The following CPEB3 variants were observed in gnomAD, a reference collection of about 807,000 sequenced individuals.
CPEB3 encodes the protein cytoplasmic polyadenylation element binding protein 3, also known as cytoplasmic polyadenylation element-binding protein 3.
Under a neutral mutation model 67.2 loss-of-function variants are expected in CPEB3, and 20 were observed. That is an observed-to-expected ratio of 0.30 (90% CI 0.21 to 0.43). CPEB3 has a LOEUF of 0.43. Ranked by LOEUF, CPEB3 falls within the 20% of genes least tolerant of loss-of-function variation. The probability of loss-of-function intolerance (pLI) is 1.00; values close to 1 mark genes in which losing one functional copy is unlikely to be tolerated. For synonymous variants in CPEB3, 376 were observed against 393.1 expected (o/e 0.96, Z 0.51); for missense variants, 746 against 968.6 (o/e 0.77, Z 3.05).
chr10:92,209,469 G>A (rs1849961234), intron 2 of CPEB3, among the ~76,000 whole-genome samples: 1 of 152,158 alleles, frequency 6.6e-6, no homozygotes, highest in African/African-American at 2.4e-5. Context: ...AGGTTGCAGT[G>A]AGCCAAGATC....
intron 6 of CPEB3, among the ~76,000 whole-genome samples, chr10:92,121,288 G>GT (rs1392720887): frequency 1.3e-5 from 2 of 150,688 alleles, no homozygotes; most frequent in African/African-American, 2.4e-5. Context: ...GATTACAGGC[G>GT]TGAGCCACCA....
At chr10:92,134,320 C>T (rs1226759899) in intron 6 of CPEB3, among the ~76,000 whole-genome samples, 1 of 152,090 alleles carries the variant, frequency 6.6e-6, no homozygotes, top group Non-Finnish European at 1.5e-5. Context: ...TCAGCAAAGT[C>T]TCAGGATACA....
chr10:92,189,243 G>A (rs1202043553), intron 3 of CPEB3, among the ~76,000 whole-genome samples: 1 of 152,104 alleles, frequency 6.6e-6, no homozygotes, highest in Non-Finnish European at 1.5e-5. Context: ...TCCTTTAAGT[G>A]GCTTTGAAAA....
At position 92,147,525 on chromosome 10, in the gene CPEB3, G is replaced by A. The variant is rs183572120; in HGVS notation, c.1223-2440C>T. 4.1e-4 allele frequency among the ~76,000 whole-genome samples: 63 copies of A among 152,182 alleles called. 2 individuals carry two copies. In the East Asian group the frequency reaches 9.7e-3, roughly 23 times the overall value. ...GGAACCCTTTACCATACAAAACTCA[G>A]TGGAAAACACTTGAGGAAATATTCA... On this transcript the variant is annotated intron_variant, in intron 4 of 9. Transcript: ENST00000265997.
chr10:92,216,778 G>GCCCCTA lies in CPEB3; in HGVS notation c.1005+22562_1005+22567dup, dbSNP rs1850427923. 1.7e-5 allele frequency: 27 copies of GCCCCTA among 1,609,902 alleles called. No individual in the cohort carries two copies. The South Asian group carries it at 2.9e-4, about 17-fold the overall frequency. On this transcript the variant is annotated intron_variant, in intron 2 of 9. Transcript: ENST00000265997. The stretch of plus-strand genomic sequence containing the variant: ...AGTGCCTGGAGGAGGTGCAGTCCCT[G>GCCCCTA]CCCCTACCCCTATGAGGAGCTCCGG...
intron 9 of CPEB3, among the ~76,000 whole-genome samples, chr10:92,056,029 T>C (rs1416962472): frequency 6.6e-6 from 1 of 152,058 alleles, no homozygotes; most frequent in African/African-American, 2.4e-5. Flanking sequence ...AAAATATATA[T>C]GTAATAATAG....
At chr10:92,108,406 C>T (rs1388743799) in intron 7 of CPEB3, among the ~76,000 whole-genome samples, 1 of 143,866 alleles carries the variant, frequency 7.0e-6, no homozygotes, top group Non-Finnish European at 1.5e-5. Flanking sequence ...GTGGAATGTA[C>T]CAGAACCTAG....
intron 6 of CPEB3, among the ~76,000 whole-genome samples, chr10:92,116,820 G>A (rs773835074): frequency 5.9e-5 from 9 of 152,092 alleles, no homozygotes; most frequent in Non-Finnish European, 1.3e-4. Flanking sequence ...TAGAATGGAT[G>A]GCCGAAAATT....
At chr10:92,201,776 G>C (rs1849538221) in intron 2 of CPEB3, among the ~76,000 whole-genome samples, 1 of 152,100 alleles carries the variant, frequency 6.6e-6, no homozygotes, top group Admixed American at 6.6e-5. Context: ...AGTACATGTA[G>C]CTCCTAATAT....
intron 6 of CPEB3, among the ~76,000 whole-genome samples, chr10:92,118,026 T>G (rs542743969): frequency 2.5e-4 from 38 of 152,350 alleles, no homozygotes; most frequent in African/African-American, 9.1e-4. Flanking sequence ...AGCCCATTAA[T>G]TTATACTACC....
chr10:92,170,138 CT>C (rs1847936267), intron 4 of CPEB3, among the ~76,000 whole-genome samples: 1 of 152,190 alleles, frequency 6.6e-6, no homozygotes, highest in South Asian at 2.1e-4. Context: ...TAGGAAACCC[CT>C]AGTCCACATT....
intron 6 of CPEB3, chr10:92,136,989 G>A: frequency 5.0e-6 from 1 of 200,444 alleles, no homozygotes. Flanking sequence ...CTCCTCCATG[G>A]CATCTATGCC....
At chr10:92,214,423 C>A (rs1323963701) in intron 2 of CPEB3, among the ~76,000 whole-genome samples, 1 of 152,114 alleles carries the variant, frequency 6.6e-6, no homozygotes, top group African/African-American at 2.4e-5. Context: ...AATTTCTGTT[C>A]TTTGTAATTA....
intron 6 of CPEB3, among the ~76,000 whole-genome samples, chr10:92,115,100 C>T (rs1371810747): frequency 1.5e-4 from 23 of 152,170 alleles, no homozygotes; most frequent in Admixed American, 1.5e-3. Context: ...AGCTGCGGGG[C>T]GCGGGAGGAG....
At chr10:92,241,803 A>G (rs1311414474) in intron 1 of CPEB3, among the ~76,000 whole-genome samples, 1 of 152,212 alleles carries the variant, frequency 6.6e-6, no homozygotes, top group African/African-American at 2.4e-5. Context: ...GACCCTAAAA[A>G]CAAATATTTT....
intron 2 of CPEB3, among the ~76,000 whole-genome samples, chr10:92,197,909 C>T (rs1201502307): frequency 6.6e-6 from 1 of 152,116 alleles, no homozygotes; most frequent in Non-Finnish European, 1.5e-5. Context: ...GAGTTCGAGA[C>T]CAGCCTGGCC....
chr10:92,155,140 C>T (rs1007814011), intron 4 of CPEB3, among the ~76,000 whole-genome samples: 1 of 152,076 alleles, frequency 6.6e-6, no homozygotes. Flanking sequence ...ACCCGTGAGG[C>T]GGAGGTTGCA....
Position 92,240,954 on chromosome 10 carries a change from G to A in CPEB3, c.-11-593C>T, listed in dbSNP as rs143605416. ...GTTTCATTTAGCTGCAGCGAACCAC[G>A]AGGGAGGAATCCTTGGCATTTGTTA... On this transcript the variant is annotated intron_variant, in intron 1 of 9. Coordinates refer to ENST00000265997, the MANE Select transcript of CPEB3 (RefSeq NM_014912.5). 8.5e-5 allele frequency among the ~76,000 whole-genome samples: 13 copies of A among 152,230 alleles called. No individual in the cohort carries two copies. In the East Asian group the frequency reaches 1.5e-3, roughly 18 times the overall value.
Position 92,051,804 on chromosome 10 carries a change from G to A in CPEB3, c.*408C>T. The A allele has an allele frequency of 6.3e-6, 1 of 158,720 alleles. No individual in the cohort carries two copies. The highest frequency in any genetic ancestry group is 1.4e-5 in the Non-Finnish European group (1 of 71,944). 9.8% of individuals were successfully genotyped at this position (158,720 alleles called of 1,614,324 possible). ...TCTTGTCCTAGGGGCAACTCTCTAA[G>A]TTTCTGAAAATAAGTGCATGCTCCA... On this transcript the variant is annotated 3_prime_UTR_variant, in exon 10 of 10. Transcript: ENST00000265997.
Sources: allele counts gnomAD v4.1 joint callset (sites outside exome capture counted in the v4.1 genomes callset), GRCh38; gene constraint gnomAD v4.1.1; transcripts MANE v1.5; gene names NCBI Gene and HGNC (gene_info 2026-07-23, HGNC 2026-07-21).